The following NOP58 variants were observed in gnomAD, a reference collection of about 807,000 sequenced individuals.
NOP58 encodes NOP58 ribonucleoprotein, also known as nucleolar protein 58.
A neutral mutation model predicts 71.2 loss-of-function variants in NOP58; 44 were observed. The ratio of observed to expected loss-of-function variants is 0.62; its 90% CI spans 0.49 to 0.79. The LOEUF (loss-of-function observed/expected upper bound fraction) is 0.79, where lower values mean the gene tolerates loss of function less well. Ranked by LOEUF, NOP58 falls within the 30% of genes least tolerant of loss-of-function variation. NOP58 has a pLI of 0.00. For missense variants in NOP58, 538 were observed against 620.2 expected, an observed-to-expected ratio of 0.87 and a Z score of 1.41; for synonymous variants, 228 against 200.3, an observed-to-expected ratio of 1.14 and a Z score of -1.17.
chr2:202,298,068 A>AAAAGTGCACATTGAGG (rs1553573874), intron 12 of NOP58, among the ~76,000 whole-genome samples, 162 bp downstream of exon 12: 9 of 151,994 alleles, frequency 5.9e-5, no homozygotes, highest in Admixed American at 2.0e-4. Flanking sequence ...TTGTTTTGGA[A>AAAAGTGCACATTGAGG]AATGTGCACA....
rs1688404397 is a variant in NOP58 at position 202,265,875 on chromosome 2, A to T, written c.-67A>T. On this transcript the variant is annotated 5_prime_UTR_variant, in exon 1 of 15. Coordinates refer to ENST00000264279, the MANE Select transcript of NOP58 (RefSeq NM_015934.5). ...CCTAGGAGGCCTTTTGAGGCCGCGT[A>T]GTCGGTGTTTTTGAACTGACTCTAC... 8 of 1,596,842 alleles carry T rather than the reference A, an allele frequency of 5.0e-6. No homozygotes were observed. The Admixed American group carries it at 1.3e-4, about 27-fold the overall frequency.
intron 3 of NOP58, among the ~76,000 whole-genome samples, chr2:202,280,705 T>A (rs375586143): frequency 1.1e-4 from 16 of 152,002 alleles, no homozygotes; most frequent in East Asian, 5.8e-4. Flanking sequence ...GTCTCAGACA[T>A]TCATATATGC....
At chr2:202,285,059 T>G (rs1688766604) in intron 5 of NOP58, among the ~76,000 whole-genome samples, 1 of 152,114 alleles carries the variant, frequency 6.6e-6, no homozygotes, top group Admixed American at 6.6e-5. Flanking sequence ...TTGTTTTTTT[T>G]GAGGCAGATT....
chr2:202,300,468 A>C (rs571986853), intron 13 of NOP58, 101 bp downstream of exon 13: 1 of 932,910 alleles, frequency 1.1e-6, no homozygotes, highest in African/African-American at 1.7e-5. Context: ...TTATTATAAA[A>C]CTGCTCATTG....
intron 1 of NOP58, among the ~76,000 whole-genome samples, chr2:202,274,400 A>ATTTTTTTT (rs1173477305): frequency 1.3e-3 from 140 of 104,636 alleles, no homozygotes; most frequent in East Asian, 4.0e-3. Flanking sequence ...CTAATTTTGT[A>ATTTTTTTT]TTTTTTTTTT....
At chr2:202,287,271 G>A (rs766458276) in intron 5 of NOP58, among the ~76,000 whole-genome samples, 1 of 152,076 alleles carries the variant, frequency 6.6e-6, no homozygotes, top group African/African-American at 2.4e-5. Flanking sequence ...GTTTCGCCAT[G>A]TTGGCCAGGT....
At chr2:202,302,163 C>A (rs529373253) in intron 13 of NOP58, among the ~76,000 whole-genome samples, 103 of 141,394 alleles carry the variant, frequency 7.3e-4, no homozygotes, top group African/African-American at 2.2e-3. Context: ...TCTTGGCTGA[C>A]TGCAGCCTCC....
intron 14 of NOP58, 51 bp downstream of exon 14, chr2:202,303,108 T>C (rs1188454517): frequency 1.3e-6 from 2 of 1,550,772 alleles, no homozygotes; most frequent in South Asian, 1.2e-5. Flanking sequence ...CAGTTCTCTA[T>C]ATTTCAATCT....
chr2:202,268,743 CT>C (rs1688462510), intron 1 of NOP58, among the ~76,000 whole-genome samples: 1 of 151,432 alleles, frequency 6.6e-6, no homozygotes, highest in Admixed American at 6.6e-5. Context: ...TCCCGAGTAG[CT>C]GGGATTACCA....
chr2:202,293,686 T>A (rs1411932005), intron 9 of NOP58, among the ~76,000 whole-genome samples: 1 of 152,156 alleles, frequency 6.6e-6, no homozygotes, highest in Non-Finnish European at 1.5e-5. Flanking sequence ...TTCTCCTGCC[T>A]CAGGCTCCCA....
chr2:202,294,567 G>A (rs1336927633), intron 9 of NOP58, among the ~76,000 whole-genome samples: 1 of 152,100 alleles, frequency 6.6e-6, no homozygotes, highest in Non-Finnish European at 1.5e-5. Flanking sequence ...ATCCTATACT[G>A]TATATGCTGT....
intron 3 of NOP58, among the ~76,000 whole-genome samples, chr2:202,279,309 G>A (rs1163551799): frequency 1.3e-5 from 2 of 152,060 alleles, no homozygotes; most frequent in Non-Finnish European, 2.9e-5. Flanking sequence ...CAAACAAGCA[G>A]GTTTTTACTA....
intron 1 of NOP58, among the ~76,000 whole-genome samples, chr2:202,267,903 T>G (rs1688444456): frequency 6.6e-6 from 1 of 152,352 alleles, no homozygotes; most frequent in African/African-American, 2.4e-5. Flanking sequence ...TGCAAGTTAC[T>G]GTTCAAAATG....
chr2:202,290,341 A>T lies in NOP58; in HGVS notation c.518A>T (p.Asp173Val). 6.2e-7 allele frequency: 1 copy of T among 1,604,976 alleles called. No individual in the cohort carries two copies. ...ACTACAGCCTTGTTAGATGACTTGG[A>T]TAAAGAACTAAACAACTACATTATG... ...VQAISLLDDL[D>V]KELNNYIMRC... is the part of the protein sequence containing the mutation. Residue 173 changes from aspartate to valine, a missense_variant, in exon 7 of 15, where the codon GAT (aspartate) becomes GTT (valine). Transcript: ENST00000264279.
intron 10 of NOP58, among the ~76,000 whole-genome samples, chr2:202,296,117 T>C (rs1688988953): frequency 6.6e-6 from 1 of 151,882 alleles, no homozygotes; most frequent in Non-Finnish European, 1.5e-5. Context: ...ATACTATCTC[T>C]GGCAGCAAAA....
chr2:202,280,068 A>G (rs1688674668), intron 3 of NOP58, among the ~76,000 whole-genome samples: 1 of 152,210 alleles, frequency 6.6e-6, no homozygotes, highest in Admixed American at 6.5e-5. Context: ...AGTTAAATGA[A>G]CATCAGCTAA....
intron 1 of NOP58, among the ~76,000 whole-genome samples, chr2:202,272,571 C>T (rs560503031): frequency 2.7e-4 from 41 of 152,286 alleles, no homozygotes; most frequent in Non-Finnish European, 5.0e-4. Context: ...TTGGTATTAA[C>T]AATTTATAAA....
chr2:202,296,272 T>C (rs918734165), intron 10 of NOP58, among the ~76,000 whole-genome samples: 1 of 152,168 alleles, frequency 6.6e-6, no homozygotes, highest in African/African-American at 2.4e-5. Flanking sequence ...CTCGGCTCAC[T>C]GCAACCTCCA....
intron 13 of NOP58, among the ~76,000 whole-genome samples, chr2:202,301,469 C>T (rs1689092314): frequency 6.6e-6 from 1 of 152,192 alleles, no homozygotes; most frequent in Non-Finnish European, 1.5e-5. Flanking sequence ...AGGCATGAGC[C>T]ACCACGCCCA....
Sources: allele counts gnomAD v4.1 joint callset (sites outside exome capture counted in the v4.1 genomes callset), GRCh38; gene constraint gnomAD v4.1.1; transcripts MANE v1.5; gene names NCBI Gene and HGNC (gene_info 2026-07-23, HGNC 2026-07-21).